LIFR: variants seen among roughly 807,000 people sequenced by gnomAD.
The protein encoded by LIFR is LIF receptor subunit alpha, also known as leukemia inhibitory factor receptor.
Under a neutral mutation model 122.2 loss-of-function variants are expected in LIFR, and 84 were observed. That is an observed-to-expected ratio of 0.69 (90% CI 0.58 to 0.82). The LOEUF (loss-of-function observed/expected upper bound fraction) is 0.82. Ranked by LOEUF, LIFR falls within the 40% of genes least tolerant of loss-of-function variation. The pLI is 0.00. For synonymous variants in LIFR, 422 were observed against 434.7 expected (o/e 0.97, Z 0.36); for missense variants, 1,294 against 1,311.6 (o/e 0.99, Z 0.21).
At chr5:38,599,691 G>A (rs998972868), upstream of LIFR, among the ~76,000 whole-genome samples, 1 of 152,130 alleles carries the variant, frequency 6.6e-6, no homozygotes, top group Non-Finnish European at 1.5e-5. Context: ...ACTCCTTGGT[G>A]TTGGGGACAG....
At chr5:38,557,257 C>T (rs1748635243), upstream of LIFR, 1 of 152,192 alleles carries the variant, frequency 6.6e-6, no homozygotes, top group East Asian at 1.9e-4. Flanking sequence ...CTAGTCTTGC[C>T]TCGGAGGCGG....
At chr5:38,520,937 C>A (rs780604759) in intron 5 of LIFR, among the ~76,000 whole-genome samples, 6 of 152,138 alleles carry the variant, frequency 3.9e-5, no homozygotes, top group Non-Finnish European at 7.4e-5. Flanking sequence ...TGACTTCATA[C>A]AAATTTTAGG....
At chr5:38,606,136 C>T (rs1580257768) in intron 2 of LIFR, 2 of 152,206 alleles carry the variant, frequency 1.3e-5, no homozygotes, top group Non-Finnish European at 2.9e-5. Context: ...TGTGTGAGGC[C>T]GTTCTTGCAT....
intron 5 of LIFR, among the ~76,000 whole-genome samples, chr5:38,514,855 G>A (rs1362257776): frequency 6.6e-6 from 1 of 152,178 alleles, no homozygotes; most frequent in Non-Finnish European, 1.5e-5. Context: ...AATCTAAAGA[G>A]GGTTTAAAAT....
intron 1 of LIFR, among the ~76,000 whole-genome samples, chr5:38,571,817 C>A (rs1049995407): frequency 2.0e-5 from 3 of 152,126 alleles, no homozygotes; most frequent in Non-Finnish European, 4.4e-5. Flanking sequence ...TTTTAGCATG[C>A]TAATATGCAT....
At chr5:38,523,145 C>T (rs1746492339) in intron 5 of LIFR, among the ~76,000 whole-genome samples, 1 of 152,142 alleles carries the variant, frequency 6.6e-6, no homozygotes. Flanking sequence ...CAAGTCCAGA[C>T]AGGAATACAC....
chr5:38,478,433 A>C lies in LIFR; in HGVS notation c.*3162T>G, dbSNP rs1743825125. The stretch of plus-strand genomic sequence containing the variant: ...AGCACCTCTATCATATAAGCACATA[A>C]ACACACAACTCAACTATCCAGATAC... On this transcript the variant is annotated 3_prime_UTR_variant, in exon 20 of 20. Coordinates refer to ENST00000453190, the MANE Select transcript of LIFR (RefSeq NM_001127671.2). 9.4e-6 allele frequency: 2 copies of C among 212,026 alleles called. No homozygotes were observed. Among genetic ancestry groups the C allele is most frequent in the Non-Finnish European group, 1.9e-5 (2 of 104,338 alleles). The allele number at this position is 212,026 out of a possible 1,614,324, so 13.1% of individuals were successfully genotyped here.
At chr5:38,569,543 G>A (rs1749140825) in intron 1 of LIFR, among the ~76,000 whole-genome samples, 1 of 152,190 alleles carries the variant, frequency 6.6e-6, no homozygotes, top group African/African-American at 2.4e-5. Flanking sequence ...TACTCCTTAT[G>A]AGAATCTAAT....
chr5:38,536,054 A>G (rs753955055), intron 1 of LIFR, among the ~76,000 whole-genome samples: 1 of 152,224 alleles, frequency 6.6e-6, no homozygotes, highest in East Asian at 1.9e-4. Context: ...TCGTATCTTT[A>G]TCTTTGGTGA....
intron 1 of LIFR, among the ~76,000 whole-genome samples, chr5:38,572,434 T>G (rs781411238): frequency 2.0e-5 from 3 of 152,212 alleles, no homozygotes; most frequent in Non-Finnish European, 4.4e-5. Context: ...CCATGATTCA[T>G]TCATATCCCA....
intron 2 of LIFR, among the ~76,000 whole-genome samples, chr5:38,601,483 C>A (rs767996393): frequency 4.6e-5 from 7 of 152,168 alleles, no homozygotes; most frequent in Non-Finnish European, 8.8e-5. Context: ...GGTGGGTCTG[C>A]TGTCAGTTCA....
Position 38,512,439 on chromosome 5 carries a change from C to T in LIFR, c.562-475G>A, listed in dbSNP as rs540016216. ...TACAAGACCAGCCTGGACAATACGG[C>T]GAAACCCCATCTCTACAAAAAAATA... On this transcript the variant is annotated intron_variant, in intron 5 of 19. Transcript: ENST00000453190. 9.3e-5 allele frequency among the ~76,000 whole-genome samples: 14 copies of T among 151,216 alleles called. No homozygotes were observed. The East Asian group carries it at 1.7e-3, about 19-fold the overall frequency.
At chr5:38,591,664 T>C (rs1478018626) in intron 1 of LIFR, among the ~76,000 whole-genome samples, 3 of 152,226 alleles carry the variant, frequency 2.0e-5, no homozygotes, top group Non-Finnish European at 4.4e-5. Context: ...TCAGGCCCAG[T>C]GACTCACTCT....
rs3797156 is a variant in LIFR, at chr5:38,481,271, C to T, written c.*324G>A. The T allele has an allele frequency of 0.018, 7,046 of 398,230 alleles. 774 individuals carry two copies. The East Asian group carries it at 0.25, about 14-fold the overall frequency. The allele number at this position is 398,230 out of a possible 1,614,324, so 24.7% of individuals were successfully genotyped here. On this transcript the variant is annotated 3_prime_UTR_variant, in exon 20 of 20. Transcript: ENST00000453190. ...CAAACAACAGAACAGAAAACAGTTG[C>T]GGCGGGATTTGTTTTACATGTACGT...
intron 1 of LIFR, among the ~76,000 whole-genome samples, chr5:38,545,839 G>A (rs1241354174): frequency 6.8e-6 from 1 of 146,954 alleles, no homozygotes; most frequent in Non-Finnish European, 1.5e-5. Flanking sequence ...TCTAGCCTGG[G>A]TGACAGAGCG....
upstream of LIFR, among the ~76,000 whole-genome samples, chr5:38,595,639 C>T (rs1410162547): frequency 6.6e-6 from 1 of 151,742 alleles, no homozygotes; most frequent in South Asian, 2.1e-4. Context: ...TAGGAGTCAG[C>T]AGTGTGTTTC....
At chr5:38,588,237 A>G (rs943256096) in intron 1 of LIFR, among the ~76,000 whole-genome samples, 2 of 152,204 alleles carry the variant, frequency 1.3e-5, no homozygotes, top group Non-Finnish European at 2.9e-5. Flanking sequence ...CACAGGTGGA[A>G]AGTTCTAGGT....
At chr5:38,506,106 G>A in intron 8 of LIFR, 32 bp from the exon 9 acceptor site, 1 of 1,447,710 alleles carries the variant, frequency 6.9e-7, no homozygotes, top group Non-Finnish European at 9.6e-7. Context: ...ATTTCAAAAT[G>A]GCAAGAGATA....
intron 11 of LIFR, 88 bp downstream of exon 11, chr5:38,502,549 G>T: frequency 8.7e-7 from 1 of 1,149,258 alleles, no homozygotes; most frequent in Non-Finnish European, 1.3e-6. Flanking sequence ...GTGACCCACT[G>T]CACCCGGCCA....
Sources: allele counts gnomAD v4.1 joint callset (sites outside exome capture counted in the v4.1 genomes callset), GRCh38; gene constraint gnomAD v4.1.1; transcripts MANE v1.5; gene names NCBI Gene and HGNC (gene_info 2026-07-23, HGNC 2026-07-21).